The following CNTD1 variants were observed in gnomAD, a reference collection of about 807,000 sequenced individuals.
CNTD1 encodes cyclin N-terminal domain containing 1, also known as cyclin N-terminal domain-containing protein 1.
Under a neutral mutation model 36.3 loss-of-function variants are expected in CNTD1, and 17 were observed. The observed-to-expected ratio is 0.47, with a 90% CI of 0.32 to 0.70. The LOEUF (loss-of-function observed/expected upper bound fraction) is 0.70, where lower values mean the gene tolerates loss of function less well. Among genes scored for constraint, CNTD1 ranks in the 30% least tolerant of loss-of-function variants. CNTD1 has a pLI of 0.03. For missense variants in CNTD1, 338 were observed against 386.1 expected (o/e 0.88, Z 1.04); for synonymous variants, 128 against 153.3 (o/e 0.83, Z 1.22).
chr17:42,798,800 G>A, upstream of CNTD1: 1 of 1,455,372 alleles, frequency 6.9e-7, no homozygotes, highest in South Asian at 1.4e-5. Flanking sequence ...GCAGAGCCGC[G>A]GTTCCCGGGC....
At position 42,810,683 on chromosome 17, in the gene CNTD1, G is replaced by C; in HGVS notation, c.*1148G>C. On this transcript the variant is annotated 3_prime_UTR_variant, in exon 7 of 7. Transcript: ENST00000588408. The stretch of plus-strand genomic sequence containing the variant: ...AAACATGTACTGTTTAATATTACCC[G>C]AATTTAATTTAAAACATGTTTGCAA... 1 of 1,441,006 alleles carries C rather than the reference G, an allele frequency of 6.9e-7. No homozygotes were observed. Among genetic ancestry groups the C allele is most frequent in the Non-Finnish European group, 9.3e-7 (1 of 1,070,688 alleles). 89.3% of individuals were successfully genotyped at this position (1,441,006 alleles called of 1,614,324 possible). A position where few individuals can be genotyped will look rare whatever the true frequency, so the allele number is the denominator to read the frequency against.
rs61995867 is a variant in CNTD1 at position 42,799,089 on chromosome 17, C to A, written c.22C>A (p.Arg8=). The A allele has an allele frequency of 4.4e-3, 7,083 of 1,613,932 alleles. 256 individuals carry two copies. The African/African-American group carries it at 0.08, about 18-fold the overall frequency. Residue 8 remains arginine, a synonymous_variant, in exon 1 of 7, where the codon CGA becomes AGA. Coordinates refer to ENST00000588408, the MANE Select transcript of CNTD1 (RefSeq NM_173478.3). The stretch of plus-strand genomic sequence containing the variant: ...GAATATGGACGGACCCATGAGGCCA[C>A]GATCGGCCTCCCTCGTTGACTTTCA... MDGPMRP[R]SASLVDFQFG... is the part of the protein sequence containing the mutation.
At position 42,809,397 on chromosome 17, in the gene CNTD1, T is replaced by C. The variant is rs1366350186; in HGVS notation, c.855T>C (p.Ile285=). The part of the protein sequence containing the change: ...VVGHLQSITG[I]ALASIAEFSY... ...GGCATTTGCAGAGCATCACTGGTAT[T>C]GCCTTGGCAAGCATTGCTGAGTTCT... The change falls in exon 7 of 7, where the codon ATT becomes ATC. Residue 285 remains isoleucine, a synonymous_variant. Coordinates refer to ENST00000588408, the MANE Select transcript of CNTD1 (RefSeq NM_173478.3). The C allele has an allele frequency of 1.2e-6, 2 of 1,614,104 alleles. No individual in the cohort carries two copies. Among genetic ancestry groups the C allele is most frequent in the Non-Finnish European group, 1.7e-6 (2 of 1,179,968 alleles).
intron 6 of CNTD1, among the ~76,000 whole-genome samples, chr17:42,808,586 G>A (rs1445903621): frequency 6.6e-6 from 1 of 150,618 alleles, no homozygotes; most frequent in Non-Finnish European, 1.5e-5. Context: ...AATTAGCCGG[G>A]CATGGTGGTG....
At chr17:42,806,611 T>C in intron 4 of CNTD1, 63 bp from the exon 5 acceptor site, 1 of 1,525,984 alleles carries the variant, frequency 6.6e-7, no homozygotes, top group Non-Finnish European at 9.1e-7. Context: ...ATGTCACAAC[T>C]GTGGTTATGA....
At chr17:42,803,511 C>T (rs912063818) in intron 1 of CNTD1, 109 bp from the exon 2 acceptor site, 14 of 787,736 alleles carry the variant, frequency 1.8e-5, no homozygotes, top group Admixed American at 6.5e-5. Flanking sequence ...TTTCTCACCT[C>T]CTGACCCTCT....
chr17:42,799,198 CG>C lies in CNTD1; in HGVS notation c.135del (p.Arg46GlyfsTer27), dbSNP rs1567658666. 6.2e-7 allele frequency: 1 copy of C among 1,613,968 alleles called. No homozygotes were observed. The highest frequency in any genetic ancestry group is 1.7e-5 in the Admixed American group (1 of 60,008). The stretch of plus-strand genomic sequence containing the variant: ...AATGAGCAAGCAGTGAGGGAGGCTT[CG>C]GGGCGGCTGGGCCGCTTCAGGGAGC... Reference protein sequence around the residue: ...QQNEQAVREASGRLGRFREPQ... With the variant: ...QQNEQAVREAXGRLGRFREPQ... On this transcript the variant is annotated frameshift_variant, in exon 1 of 7. Coordinates refer to ENST00000588408, the MANE Select transcript of CNTD1 (RefSeq NM_173478.3). LOFTEE classifies it high-confidence loss of function.
At chr17:42,800,150 G>A (rs1177928900) in intron 1 of CNTD1, among the ~76,000 whole-genome samples, 1 of 152,074 alleles carries the variant, frequency 6.6e-6, no homozygotes, top group Non-Finnish European at 1.5e-5. Context: ...GCAATTTGGG[G>A]GAGATATTAG....
At position 42,798,951 on chromosome 17, in the gene CNTD1, C is replaced by A; in HGVS notation, c.-117C>A. The A allele has an allele frequency of 6.8e-7, 1 of 1,479,126 alleles. No homozygotes were observed. The highest frequency in any genetic ancestry group is 1.4e-5 in the South Asian group (1 of 72,058). The allele number at this position is 1,479,126 out of a possible 1,614,324, so 91.6% of individuals were successfully genotyped here. On this transcript the variant is annotated 5_prime_UTR_variant, in exon 1 of 7. Transcript: ENST00000588408. ...GTTTTCCTCAGACTTGAGGCGACGA[C>A]ACACTCATTGGAAGGGGACGAGGAA...
chr17:42,802,282 A>G (rs917179262), intron 1 of CNTD1, among the ~76,000 whole-genome samples: 3 of 152,158 alleles, frequency 2.0e-5, no homozygotes, highest in African/African-American at 7.2e-5. Flanking sequence ...AGGGTCTTTT[A>G]GTTAATAGCA....
At chr17:42,805,054 C>A (rs966132214) in intron 3 of CNTD1, among the ~76,000 whole-genome samples, 2 of 152,090 alleles carry the variant, frequency 1.3e-5, no homozygotes, top group African/African-American at 2.4e-5. Context: ...TTTCCTCCCC[C>A]CTTGGACTCA....
Position 42,804,282 on chromosome 17 carries a change from T to A in CNTD1, c.303T>A (p.Asp101Glu). 6.2e-7 allele frequency: 1 copy of A among 1,614,146 alleles called. No homozygotes were observed. Among genetic ancestry groups the A allele is most frequent in the Non-Finnish European group, 8.5e-7 (1 of 1,180,014 alleles). ...ICRQATIQPR[D>E]NKRESQNWRA... ...GGCAAGCCACAATCCAGCCAAGAGATAATAAGAGAGAGTCTCAGAATTGGA... is the reference window on the plus strand; with the variant it reads ...GGCAAGCCACAATCCAGCCAAGAGAAAATAAGAGAGAGTCTCAGAATTGGA... Residue 101 changes from aspartate to glutamate, a missense_variant, in exon 3 of 7, where the codon GAT becomes GAA. Asp to Glu is a conservative substitution (Grantham distance 45). Transcript: ENST00000588408.
rs1223501531 is a variant in CNTD1 at position 42,810,913 on chromosome 17, T to C, written c.*1378T>C. 6.2e-7 allele frequency: 1 copy of C among 1,609,962 alleles called. No homozygotes were observed. Among genetic ancestry groups the C allele is most frequent in the East Asian group, 2.2e-5 (1 of 44,804 alleles). ...TGCCTCCTGTGTCTTCAATCTTGCC[T>C]TTCTCCACATCCATCCTGCAGATGG... On this transcript the variant is annotated 3_prime_UTR_variant, in exon 7 of 7. Coordinates refer to ENST00000588408, the MANE Select transcript of CNTD1 (RefSeq NM_173478.3).
intron 3 of CNTD1, among the ~76,000 whole-genome samples, chr17:42,804,799 CTG>C (rs1234906488): frequency 6.6e-6 from 1 of 152,074 alleles, no homozygotes; most frequent in Non-Finnish European, 1.5e-5. Flanking sequence ...CAGAGCGACT[CTG>C]TCTCAAAAAA....
intron 6 of CNTD1, 89 bp from the exon 7 acceptor site, chr17:42,809,276 T>G: frequency 8.0e-7 from 1 of 1,254,926 alleles, no homozygotes; most frequent in Non-Finnish European, 1.1e-6. Context: ...ACAATTGCCT[T>G]GAGAGAACAT....
chr17:42,798,793 G>C, upstream of CNTD1: 1 of 1,461,086 alleles, frequency 6.8e-7, no homozygotes, highest in Non-Finnish European at 9.0e-7. Context: ...TTGCGGGGCA[G>C]AGCCGCGGTT....
Position 42,807,766 on chromosome 17 carries a change from A to C in CNTD1, c.726-2A>C. On this transcript the variant is annotated splice_acceptor_variant, in intron 5 of 6. Coordinates refer to ENST00000588408, the MANE Select transcript of CNTD1 (RefSeq NM_173478.3). LOFTEE classifies it high-confidence loss of function. ...AAAATTAATGTGGTTTTAATCACTC[A>C]GGGAAAAGTTTACTTCAGTGAAGGA... 1.2e-6 allele frequency: 2 copies of C among 1,608,566 alleles called. No individual in the cohort carries two copies. The highest frequency in any genetic ancestry group is 2.2e-5 in the South Asian group (2 of 90,920).
At chr17:42,804,165 G>C in intron 2 of CNTD1, 60 bp from the exon 3 acceptor site, 1 of 1,494,826 alleles carries the variant, frequency 6.7e-7, no homozygotes, top group Non-Finnish European at 9.1e-7. Context: ...TAACCAGCAA[G>C]TTAAACTCCC....
chr17:42,808,553 T>TAAA (rs775660371), intron 6 of CNTD1, among the ~76,000 whole-genome samples: 6 of 99,890 alleles, frequency 6.0e-5, no homozygotes, highest in African/African-American at 1.6e-4. Flanking sequence ...CCCATCTCAT[T>TAAA]AAAAAAAAAA....
Sources: allele counts gnomAD v4.1 joint callset (sites outside exome capture counted in the v4.1 genomes callset), GRCh38; gene constraint gnomAD v4.1.1; transcripts MANE v1.5; gene names NCBI Gene and HGNC (gene_info 2026-07-23, HGNC 2026-07-21).